The following SLCO6A1 variants were observed in gnomAD, a reference collection of about 807,000 sequenced individuals.
SLCO6A1 encodes the protein solute carrier organic anion transporter family member 6A1.
SLCO6A1 carries 65 observed loss-of-function variants against 72.7 expected under a neutral mutation model. The observed-to-expected ratio is 0.89, with a 90% confidence interval of 0.73 to 1.10. The LOEUF (loss-of-function observed/expected upper bound fraction) is 1.10, where lower values mean the gene tolerates loss of function less well. Ranked by LOEUF, SLCO6A1 falls within the 50% of genes least tolerant of loss-of-function variation. SLCO6A1 has a pLI of 0.00. For missense variants in SLCO6A1, 874 were observed against 872.6 expected, an observed-to-expected ratio of 1.00 and a Z score of -0.02; for synonymous variants, 314 against 298.2, an observed-to-expected ratio of 1.05 and a Z score of -0.55.
At chr5:102,489,217 C>G (rs1284899885) in intron 1 of SLCO6A1, among the ~76,000 whole-genome samples, 1 of 152,200 alleles carries the variant, frequency 6.6e-6, no homozygotes, top group African/African-American at 2.4e-5. Flanking sequence ...CAACCTCAGA[C>G]CTGCAAGGAT....
intron 10 of SLCO6A1, among the ~76,000 whole-genome samples, chr5:102,397,552 T>C (rs1305627700): frequency 6.6e-6 from 1 of 152,180 alleles, no homozygotes; most frequent in African/African-American, 2.4e-5. Context: ...AGGTCGGCCA[T>C]GTCCGGACCT....
intron 6 of SLCO6A1, among the ~76,000 whole-genome samples, chr5:102,455,701 G>A (rs562287686): frequency 7.9e-5 from 12 of 152,070 alleles, no homozygotes; most frequent in Non-Finnish European, 1.2e-4. Flanking sequence ...AAATTAACAC[G>A]AAATAATATA....
At chr5:102,382,935 T>C (rs931209977) in intron 12 of SLCO6A1, among the ~76,000 whole-genome samples, 2 of 148,826 alleles carry the variant, frequency 1.3e-5, no homozygotes, top group Admixed American at 1.4e-4. Context: ...GATATATACG[T>C]GTGTGTATAT....
rs150196957 is a variant in SLCO6A1, at chr5:102,434,730, T to G, written c.1276+3887A>C. Reference sequence around the variant, plus strand: ...AGCTCCATAGAAAGTACCATAGGTCTTATCAACTCTTCTCTAGGCAAGCAA... The same window carrying G: ...AGCTCCATAGAAAGTACCATAGGTCGTATCAACTCTTCTCTAGGCAAGCAA... On this transcript the variant is annotated intron_variant, in intron 7 of 13. Coordinates refer to ENST00000506729, the MANE Select transcript of SLCO6A1 (RefSeq NM_173488.5). Among the ~76,000 whole-genome samples, 22 of 152,308 alleles carry G rather than the reference T, an allele frequency of 1.4e-4. 1 individual carries two copies. In the East Asian group the frequency reaches 3.9e-3, roughly 27 times the overall value.
At chr5:102,498,368 G>A (rs1753002613) in intron 1 of SLCO6A1, 119 bp downstream of exon 1, 2 of 932,294 alleles carry the variant, frequency 2.1e-6, no homozygotes, top group Middle Eastern at 2.9e-4. Flanking sequence ...GCCTCAGGCT[G>A]GGCCACCCCA....
intron 3 of SLCO6A1, among the ~76,000 whole-genome samples, chr5:102,476,301 A>G (rs919441317): frequency 6.6e-6 from 1 of 152,214 alleles, no homozygotes; most frequent in African/African-American, 2.4e-5. Context: ...TGGCTCATAC[A>G]AAATACAATT....
intron 1 of SLCO6A1, among the ~76,000 whole-genome samples, chr5:102,490,866 T>A (rs2112860168): frequency 6.6e-6 from 1 of 152,248 alleles, no homozygotes; most frequent in East Asian, 1.9e-4. Flanking sequence ...CAGTAGGATT[T>A]ACTGCAGAGA....
intron 12 of SLCO6A1, among the ~76,000 whole-genome samples, chr5:102,382,967 GTATA>G (rs1746195909): frequency 6.7e-6 from 1 of 148,490 alleles, no homozygotes; most frequent in African/African-American, 2.5e-5. Flanking sequence ...ATATATATGT[GTATA>G]TATATGAGAG....
intron 2 of SLCO6A1, among the ~76,000 whole-genome samples, chr5:102,479,851 C>T (rs889030486): frequency 3.3e-5 from 5 of 152,126 alleles, no homozygotes; most frequent in East Asian, 1.9e-4. Flanking sequence ...TGCCCCTAAT[C>T]GATTCACTCT....
At chr5:102,490,773 C>T (rs1244984062) in intron 1 of SLCO6A1, among the ~76,000 whole-genome samples, 7 of 152,082 alleles carry the variant, frequency 4.6e-5, no homozygotes, top group African/African-American at 1.2e-4. Context: ...TTCGTGGTCT[C>T]GCTGGCTTCA....
chr5:102,427,692 A>T (rs1362981335), intron 7 of SLCO6A1, among the ~76,000 whole-genome samples: 2 of 151,794 alleles, frequency 1.3e-5, no homozygotes, highest in Non-Finnish European at 2.9e-5. Flanking sequence ...ATTGAAAAAA[A>T]TCTGCACAAA....
Position 102,498,535 on chromosome 5 carries a change from T to C in SLCO6A1, c.310A>G (p.Asn104Asp). The change falls in exon 1 of 14, where the codon AAC becomes GAC. Residue 104 changes from asparagine (N) to aspartate (D), a missense_variant. Transcript: ENST00000506729. ...TAGAAAATCATGAAGCAGCGAATGT[T>C]ATTGCAACACTCACAGCAGGTGCTG... ...LVSTCCECCN[N>D]IRCFMIFYCI... The C allele has an allele frequency of 6.2e-7, 1 of 1,614,148 alleles. No individual in the cohort carries two copies. The highest frequency in any genetic ancestry group is 8.5e-7 in the Non-Finnish European group (1 of 1,180,012).
chr5:102,445,737 G>C (rs933074173), intron 6 of SLCO6A1, among the ~76,000 whole-genome samples: 5 of 152,088 alleles, frequency 3.3e-5, no homozygotes, highest in African/African-American at 1.2e-4. Context: ...ATCTTAAGTT[G>C]ATTTTTGTAT....
Position 102,396,190 on chromosome 5 carries a change from G to C in SLCO6A1, c.1814+3365C>G, listed in dbSNP as rs895031425. On this transcript the variant is annotated intron_variant, in intron 10 of 13. Transcript: ENST00000506729. ...ATGGTTTTAGGTCTAACATTTAAGT[G>C]TTTAATCTATCTTGAATTAATTTTT... Among the ~76,000 whole-genome samples the C allele has an allele frequency of 6.6e-5, 10 of 152,054 alleles. No homozygotes were observed. In the South Asian group the frequency reaches 8.3e-4, roughly 13 times the overall value.
intron 5 of SLCO6A1, 22 bp from the exon 6 acceptor site, chr5:102,458,513 A>T (rs763924290): frequency 1.3e-6 from 2 of 1,538,526 alleles, no homozygotes; most frequent in Non-Finnish European, 8.9e-7. Flanking sequence ...CAAGTAAAAA[A>T]ACTTATGACA....
chr5:102,388,576 C>G, intron 12 of SLCO6A1, 112 bp downstream of exon 12: 1 of 826,860 alleles, frequency 1.2e-6, no homozygotes, highest in Non-Finnish European at 1.8e-6. Context: ...CTTTACTCAT[C>G]AAAGTACTTA....
At chr5:102,417,410 T>G (rs1262978606) in intron 8 of SLCO6A1, among the ~76,000 whole-genome samples, 1 of 152,044 alleles carries the variant, frequency 6.6e-6, no homozygotes, top group East Asian at 1.9e-4. Flanking sequence ...CTCTTTTTGT[T>G]CACTTTTTCC....
chr5:102,437,511 A>C (rs1235386846), intron 7 of SLCO6A1, among the ~76,000 whole-genome samples: 2 of 152,132 alleles, frequency 1.3e-5, no homozygotes, highest in Non-Finnish European at 2.9e-5. Flanking sequence ...AATAAGAAAC[A>C]AATGGAATGA....
intron 6 of SLCO6A1, among the ~76,000 whole-genome samples, chr5:102,450,116 C>T (rs1750336116): frequency 6.6e-6 from 1 of 152,186 alleles, no homozygotes; most frequent in Non-Finnish European, 1.5e-5. Context: ...CATGCAGATT[C>T]TGAATTCTGT....
Sources: gnomAD v4.1 joint callset for allele counts (sites outside exome capture counted in the v4.1 genomes callset) on GRCh38, gnomAD v4.1.1 for gene constraint, MANE v1.5 for transcripts, NCBI Gene and HGNC (gene_info 2026-07-23, HGNC 2026-07-21) for gene names.